ABTB3: variants seen among roughly 807,000 people sequenced by gnomAD.
The protein encoded by ABTB3 is ankyrin repeat and BTB domain containing 3.
chr12:107,512,885 G>T, the ABTB3 span, among the ~76,000 whole-genome samples: 1 of 152,096 alleles, frequency 6.6e-6, no homozygotes, highest in South Asian at 2.1e-4. Flanking sequence ...TGTGAGGTAG[G>T]CACTATTAAT....
chr12:107,395,890 T>G, the ABTB3 span, among the ~76,000 whole-genome samples: 1 of 152,228 alleles, frequency 6.6e-6, no homozygotes, highest in African/African-American at 2.4e-5. Flanking sequence ...AAAGAGGTGG[T>G]GACCAGAGAT....
At chr12:107,439,774 A>G in the ABTB3 span, among the ~76,000 whole-genome samples, 1 of 152,140 alleles carries the variant, frequency 6.6e-6, no homozygotes. Flanking sequence ...AATCATTACC[A>G]CCATCAAGGC....
At chr12:107,412,263 T>C in the ABTB3 span, among the ~76,000 whole-genome samples, 2 of 152,198 alleles carry the variant, frequency 1.3e-5, no homozygotes, top group Non-Finnish European at 2.9e-5. Context: ...GCTTCCCATC[T>C]TGCAGATGAG....
chr12:107,331,918 G>A, the ABTB3 span, among the ~76,000 whole-genome samples: 2 of 150,812 alleles, frequency 1.3e-5, no homozygotes, highest in Non-Finnish European at 3.0e-5. Flanking sequence ...ACCTGGGTCC[G>A]CTGGCTGCTC....
At chr12:107,595,356 G>A in the ABTB3 span, among the ~76,000 whole-genome samples, 2 of 152,138 alleles carry the variant, frequency 1.3e-5, no homozygotes, top group African/African-American at 4.8e-5. Flanking sequence ...GATTTGACCT[G>A]AGGAGCACCC....
At chr12:107,425,337 C>T in the ABTB3 span, among the ~76,000 whole-genome samples, 6 of 152,314 alleles carry the variant, frequency 3.9e-5, no homozygotes, top group East Asian at 1.9e-4. Context: ...GTCCTGATAC[C>T]TACCATATGG....
chr12:107,384,984 C>T, the ABTB3 span, among the ~76,000 whole-genome samples: 4 of 152,332 alleles, frequency 2.6e-5, no homozygotes, highest in African/African-American at 4.8e-5. Flanking sequence ...GCTTTTTCTT[C>T]GCATATCTGT....
chr12:107,505,798 G>C, the ABTB3 span, among the ~76,000 whole-genome samples: 26 of 152,196 alleles, frequency 1.7e-4, no homozygotes, highest in African/African-American at 5.5e-4. Flanking sequence ...TTAATTTTCT[G>C]TTTCTGTGTT....
At chr12:107,516,688 G>A in the ABTB3 span, among the ~76,000 whole-genome samples, 1 of 152,218 alleles carries the variant, frequency 6.6e-6, no homozygotes, top group Non-Finnish European at 1.5e-5. Flanking sequence ...GTGGGGACGA[G>A]AGCAGGAGTG....
the ABTB3 span, among the ~76,000 whole-genome samples, chr12:107,438,984 T>G: frequency 6.6e-6 from 1 of 152,188 alleles, no homozygotes; most frequent in Non-Finnish European, 1.5e-5. Flanking sequence ...CAAATGGTAA[T>G]GTGTTCTGCA....
At chr12:107,533,335 A>G in the ABTB3 span, among the ~76,000 whole-genome samples, 272 of 152,332 alleles carry the variant, frequency 1.8e-3, 7 homozygotes, top group East Asian at 0.041. Context: ...GACTGGCTGA[A>G]AGAATAAAAA....
chr12:107,537,018 A>G, the ABTB3 span, among the ~76,000 whole-genome samples: 2 of 152,240 alleles, frequency 1.3e-5, no homozygotes, highest in African/African-American at 2.4e-5. Flanking sequence ...GAAAATGTGT[A>G]TATTTATACA....
At chr12:107,323,545 G>A in the ABTB3 span, among the ~76,000 whole-genome samples, 3 of 152,138 alleles carry the variant, frequency 2.0e-5, no homozygotes, top group South Asian at 2.1e-4. Context: ...TTGAAGAGCC[G>A]GGGAAACAGC....
At chr12:107,642,436 GTC>G in the ABTB3 span, among the ~76,000 whole-genome samples, 1 of 152,228 alleles carries the variant, frequency 6.6e-6, no homozygotes, top group Non-Finnish European at 1.5e-5. Context: ...GGGACTCAGA[GTC>G]TGTGGGGGGC....
chr12:107,595,296 G>A, the ABTB3 span, among the ~76,000 whole-genome samples: 1 of 152,114 alleles, frequency 6.6e-6, no homozygotes. Context: ...CTGTTATATG[G>A]GATCTGTTTC....
At chr12:107,504,039 G>A in the ABTB3 span, among the ~76,000 whole-genome samples, 3 of 152,172 alleles carry the variant, frequency 2.0e-5, no homozygotes, top group Admixed American at 1.3e-4. Context: ...AGCAAGGGCT[G>A]TGTGCTCCCT....
At chr12:107,486,857 TTA>T in the ABTB3 span, among the ~76,000 whole-genome samples, 7 of 152,150 alleles carry the variant, frequency 4.6e-5, no homozygotes, top group Non-Finnish European at 1.0e-4. Flanking sequence ...GTAGGTATTT[TTA>T]TCATTATCAT....
chr12:107,504,890 G>A, the ABTB3 span, among the ~76,000 whole-genome samples: 1 of 152,200 alleles, frequency 6.6e-6, no homozygotes, highest in Non-Finnish European at 1.5e-5. Flanking sequence ...CTATAACAGG[G>A]AGAAATCCTC....
the ABTB3 span, among the ~76,000 whole-genome samples, chr12:107,463,663 T>A: frequency 6.6e-6 from 1 of 152,182 alleles, no homozygotes; most frequent in African/African-American, 2.4e-5. Flanking sequence ...GTGCTTGCAA[T>A]AATGATAACA....
Sources: allele counts gnomAD v4.1 joint callset (sites outside exome capture counted in the v4.1 genomes callset), GRCh38; gene constraint gnomAD v4.1.1; transcripts MANE v1.5; gene names NCBI Gene and HGNC (gene_info 2026-07-23, HGNC 2026-07-21).